COMMD10: variants seen among roughly 807,000 people sequenced by gnomAD.
COMMD10 encodes COMM domain-containing protein 10.
Under a neutral mutation model 28.9 loss-of-function variants are expected in COMMD10, and 33 were observed. The observed-to-expected ratio is 1.14, with a 90% CI of 0.87 to 1.53. The LOEUF (loss-of-function observed/expected upper bound fraction) is 1.53. COMMD10 is among the 40% of genes most tolerant of loss of function. The pLI, the probability that COMMD10 is intolerant of heterozygous loss-of-function variation, is 0.00. For missense variants in COMMD10, 310 were observed against 233.4 expected (o/e 1.33, Z -2.14); for synonymous variants, 110 against 81.7 (o/e 1.35, Z -1.87).
chr5:116,258,470 G>A (rs1416741655), intron 5 of COMMD10, among the ~76,000 whole-genome samples: 2 of 151,232 alleles, frequency 1.3e-5, no homozygotes, highest in Non-Finnish European at 2.9e-5. Flanking sequence ...TTTTACTGGA[G>A]TTGATCATTT....
At chr5:116,186,153 GTAA>G (rs1426477542) in intron 5 of COMMD10, among the ~76,000 whole-genome samples, 1 of 152,066 alleles carries the variant, frequency 6.6e-6, no homozygotes, top group African/African-American at 2.4e-5. Context: ...TCGAATGAAG[GTAA>G]CAAATTAATC....
At chr5:116,178,611 C>T (rs1389683173) in intron 5 of COMMD10, among the ~76,000 whole-genome samples, 1 of 152,034 alleles carries the variant, frequency 6.6e-6, no homozygotes, top group Non-Finnish European at 1.5e-5. Flanking sequence ...TCCCTAAAAA[C>T]ATTCACTATT....
At position 116,292,556 on chromosome 5, in the gene COMMD10, G is replaced by T. The variant is rs183617980; in HGVS notation, c.*67G>T. The T allele has an allele frequency of 1.4e-3, 1,935 of 1,347,758 alleles. 2 individuals are homozygous for T. Among genetic ancestry groups the T allele is most frequent in the Non-Finnish European group, 1.8e-3 (1,767 of 978,170 alleles). The allele number at this position is 1,347,758 out of a possible 1,614,324, so 83.5% of individuals were successfully genotyped here. A position where few individuals can be genotyped will look rare whatever the true frequency, so the allele number is the denominator to read the frequency against. On this transcript the variant is annotated 3_prime_UTR_variant, in exon 7 of 7. Coordinates refer to ENST00000274458, the MANE Select transcript of COMMD10 (RefSeq NM_016144.4). ...CATTATTTTGCATTGAAGATACATT[G>T]CCAGGTTGTGTTTTCTGAAGGATTC...
chr5:116,289,383 C>G (rs1196182981), intron 5 of COMMD10, among the ~76,000 whole-genome samples: 1 of 151,836 alleles, frequency 6.6e-6, no homozygotes, highest in African/African-American at 2.4e-5. Context: ...TCTTTGCATA[C>G]TGGCTTTGTG....
At chr5:116,232,952 A>G (rs915593078) in intron 5 of COMMD10, among the ~76,000 whole-genome samples, 5 of 152,202 alleles carry the variant, frequency 3.3e-5, no homozygotes, top group Admixed American at 6.5e-5. Flanking sequence ...TTGTAATTCT[A>G]TGCTCTTACC....
chr5:116,210,828 C>A (rs1580551507), intron 5 of COMMD10, among the ~76,000 whole-genome samples: 1 of 152,026 alleles, frequency 6.6e-6, no homozygotes, highest in South Asian at 2.1e-4. Context: ...AGGTAAAGAA[C>A]TTATTTTTCT....
At chr5:116,141,983 C>G (rs1752210327) in intron 5 of COMMD10, among the ~76,000 whole-genome samples, 1 of 151,606 alleles carries the variant, frequency 6.6e-6, no homozygotes, top group Admixed American at 6.6e-5. Context: ...TTTTAAAAAT[C>G]ATGATTCATT....
At chr5:116,197,416 C>G (rs1748556011) in intron 5 of COMMD10, among the ~76,000 whole-genome samples, 1 of 152,210 alleles carries the variant, frequency 6.6e-6, no homozygotes, top group South Asian at 2.1e-4. Flanking sequence ...TGATCTTGCC[C>G]TGTTGCCCAG....
intron 4 of COMMD10, among the ~76,000 whole-genome samples, chr5:116,102,150 A>G (rs936152700): frequency 5.9e-5 from 9 of 152,184 alleles, no homozygotes; most frequent in African/African-American, 2.2e-4. Flanking sequence ...AAGGTCCAAA[A>G]GAGTTTTCGC....
chr5:116,137,833 C>G (rs186944461), intron 5 of COMMD10, among the ~76,000 whole-genome samples: 19 of 152,066 alleles, frequency 1.2e-4, no homozygotes, highest in Admixed American at 1.2e-3. Context: ...GTGATTGTAG[C>G]TTTCCTGCAG....
intron 5 of COMMD10, among the ~76,000 whole-genome samples, chr5:116,191,286 A>G (rs534198340): frequency 6.6e-6 from 1 of 152,194 alleles, no homozygotes; most frequent in Admixed American, 6.5e-5. Flanking sequence ...TGGGGTGAGA[A>G]GCCTCCTGGC....
intron 4 of COMMD10, among the ~76,000 whole-genome samples, chr5:116,101,607 A>G (rs1750661824): frequency 6.6e-6 from 1 of 151,836 alleles, no homozygotes; most frequent in South Asian, 2.1e-4. Flanking sequence ...TTGTATTTTT[A>G]GTAGAGATGG....
intron 5 of COMMD10, among the ~76,000 whole-genome samples, chr5:116,191,360 C>T (rs912350223): frequency 4.6e-5 from 7 of 151,818 alleles, no homozygotes; most frequent in African/African-American, 1.7e-4. Flanking sequence ...GAATGAAGCC[C>T]TATTCTTTTG....
At chr5:116,207,616 C>T (rs1225883467) in intron 5 of COMMD10, among the ~76,000 whole-genome samples, 1 of 152,102 alleles carries the variant, frequency 6.6e-6, no homozygotes, top group East Asian at 1.9e-4. Context: ...GCCTCCGCCT[C>T]CTGGGTTCAA....
At chr5:116,155,309 GGGTT>G (rs1425588507) in intron 5 of COMMD10, among the ~76,000 whole-genome samples, 1 of 152,006 alleles carries the variant, frequency 6.6e-6, no homozygotes, top group Non-Finnish European at 1.5e-5. Flanking sequence ...CTGATGACTT[GGGTT>G]GTTTGTGCAT....
At chr5:116,199,078 A>G (rs1249918954) in intron 5 of COMMD10, among the ~76,000 whole-genome samples, 1 of 152,166 alleles carries the variant, frequency 6.6e-6, no homozygotes, top group Non-Finnish European at 1.5e-5. Flanking sequence ...TCCACTAACA[A>G]TGAAATGAGG....
chr5:116,118,048 A>G (rs1055960457), intron 4 of COMMD10, among the ~76,000 whole-genome samples: 1 of 152,128 alleles, frequency 6.6e-6, no homozygotes, highest in Non-Finnish European at 1.5e-5. Context: ...CCCACAACCT[A>G]CATTGTTGAC....
At chr5:116,169,340 T>C (rs951899604) in intron 5 of COMMD10, among the ~76,000 whole-genome samples, 2 of 152,022 alleles carry the variant, frequency 1.3e-5, no homozygotes, top group African/African-American at 2.4e-5. Flanking sequence ...AGTTCTGAAA[T>C]TGAGTCAATA....
intron 4 of COMMD10, among the ~76,000 whole-genome samples, chr5:116,107,857 G>A (rs1442335352): frequency 1.3e-5 from 2 of 152,172 alleles, no homozygotes; most frequent in Non-Finnish European, 2.9e-5. Flanking sequence ...ACCTTTGGAA[G>A]AGGTCTCTGA....
Sources: allele counts gnomAD v4.1 joint callset (sites outside exome capture counted in the v4.1 genomes callset), GRCh38; gene constraint gnomAD v4.1.1; transcripts MANE v1.5; gene names NCBI Gene and HGNC (gene_info 2026-07-23, HGNC 2026-07-21).